The following NAALADL2 variants were observed in gnomAD, a reference collection of about 807,000 sequenced individuals.
The protein encoded by NAALADL2 is inactive N-acetylated-alpha-linked acidic dipeptidase-like protein 2.
In NAALADL2, 76 loss-of-function variants were observed where a neutral mutation model predicts 87.2. That is an observed-to-expected ratio of 0.87 (90% CI 0.72 to 1.05). NAALADL2 has a LOEUF of 1.05. Among genes scored for constraint, NAALADL2 ranks in the 50% least tolerant of loss-of-function variants. The pLI is 0.00. For synonymous variants in NAALADL2, 354 were observed against 331.0 expected, an observed-to-expected ratio of 1.07 and a Z score of -0.75; for missense variants, 1,089 against 945.8, an observed-to-expected ratio of 1.15 and a Z score of -1.99.
chr3:175,589,747 A>T (rs916512978), intron 10 of NAALADL2, among the ~76,000 whole-genome samples: 5 of 151,296 alleles, frequency 3.3e-5, no homozygotes, highest in African/African-American at 1.2e-4. Flanking sequence ...ATAAATTTCT[A>T]AGCATAAAAT....
rs955801874 is a variant in NAALADL2 at position 175,693,786 on chromosome 3, C to T, written c.1897-43520C>T. 6.6e-5 allele frequency among the ~76,000 whole-genome samples: 10 copies of T among 152,068 alleles called. No homozygotes were observed. The South Asian group carries it at 8.3e-4, about 13-fold the overall frequency. ...CAATCTCAGCTCACTGCAACCTCCC[C>T]GACCCGGGTTCAAGCGATTCTCCTG... On this transcript the variant is annotated intron_variant, in intron 11 of 13. Transcript: ENST00000454872.
chr3:175,528,875 C>T (rs552177864), intron 9 of NAALADL2, among the ~76,000 whole-genome samples: 37 of 152,186 alleles, frequency 2.4e-4, no homozygotes, highest in Non-Finnish European at 4.1e-4. Context: ...GGAGGAAATA[C>T]TCATGACAAT....
At chr3:175,794,305 T>G (rs75797554) in intron 13 of NAALADL2, among the ~76,000 whole-genome samples, 5,457 of 151,924 alleles carry the variant, frequency 0.036, 277 homozygotes, top group East Asian at 0.2. Context: ...TGAGTTTGAG[T>G]TCATACATAG....
intron 5 of NAALADL2, among the ~76,000 whole-genome samples, chr3:175,434,736 A>G (rs565348641): frequency 1.3e-5 from 2 of 152,162 alleles, no homozygotes; most frequent in South Asian, 4.1e-4. Context: ...AATCATTCCA[A>G]TGTTTATACC....
At chr3:174,995,225 C>T (rs1412791950) in intron 1 of NAALADL2, among the ~76,000 whole-genome samples, 1 of 151,846 alleles carries the variant, frequency 6.6e-6, no homozygotes, top group Non-Finnish European at 1.5e-5. Flanking sequence ...GTAATTTACA[C>T]AATGTAGACT....
intron 5 of NAALADL2, among the ~76,000 whole-genome samples, chr3:175,443,883 A>T (rs1455191951): frequency 2.6e-5 from 4 of 152,162 alleles, no homozygotes; most frequent in African/African-American, 9.6e-5. Flanking sequence ...TAGCACACAG[A>T]GCTGAGGTTG....
intron 2 of NAALADL2, among the ~76,000 whole-genome samples, chr3:175,120,328 C>T (rs946305630): frequency 2.6e-5 from 4 of 151,816 alleles, no homozygotes; most frequent in African/African-American, 9.6e-5. Context: ...GCATTAAAAA[C>T]ATAGAAATCT....
chr3:174,864,797 T>G (rs1349699676), intron 1 of NAALADL2, among the ~76,000 whole-genome samples: 1 of 152,106 alleles, frequency 6.6e-6, no homozygotes, highest in Admixed American at 6.6e-5. Context: ...TAAGCCAAAC[T>G]TCTTTGTATC....
chr3:174,923,180 G>GA (rs1190640775), intron 1 of NAALADL2, among the ~76,000 whole-genome samples: 2 of 152,048 alleles, frequency 1.3e-5, no homozygotes, highest in African/African-American at 4.8e-5. Context: ...GGGGCTTATG[G>GA]AAAAAACACA....
intron 3 of NAALADL2, among the ~76,000 whole-genome samples, chr3:174,761,384 G>C (rs1284098537): frequency 6.6e-6 from 1 of 152,016 alleles, no homozygotes; most frequent in Non-Finnish European, 1.5e-5. Context: ...AAAGTCTTAA[G>C]TGTAAAATAA....
At chr3:174,508,126 T>TG (rs1186328201) in intron 1 of NAALADL2, among the ~76,000 whole-genome samples, 1 of 145,950 alleles carries the variant, frequency 6.9e-6, no homozygotes, top group Non-Finnish European at 1.5e-5. Flanking sequence ...TTTTTTTTTT[T>TG]TTTTTGAGAC....
chr3:175,132,018 C>A (rs1423497700), intron 2 of NAALADL2, among the ~76,000 whole-genome samples: 1 of 131,384 alleles, frequency 7.6e-6, no homozygotes, highest in Non-Finnish European at 1.6e-5. Context: ...ACCTCCCTCC[C>A]GGACGGGGCG....
intron 3 of NAALADL2, among the ~76,000 whole-genome samples, chr3:174,777,748 C>A (rs1424907694): frequency 2.0e-5 from 3 of 152,092 alleles, no homozygotes; most frequent in Non-Finnish European, 4.4e-5. Context: ...CAATTCTGAA[C>A]TGGCTCTGTT....
chr3:174,719,802 T>A (rs1731534670), intron 2 of NAALADL2, among the ~76,000 whole-genome samples: 3 of 152,164 alleles, frequency 2.0e-5, no homozygotes, highest in Admixed American at 6.5e-5. Flanking sequence ...CTTATTTATT[T>A]ATTTATTTTT....
chr3:175,153,444 GT>G (rs1474733983), intron 2 of NAALADL2, among the ~76,000 whole-genome samples: 1 of 152,190 alleles, frequency 6.6e-6, no homozygotes, highest in Non-Finnish European at 1.5e-5. Context: ...CCTGTGCATG[GT>G]CTTAAAGGAT....
intron 2 of NAALADL2, among the ~76,000 whole-genome samples, chr3:174,654,887 C>T (rs537466261): frequency 3.5e-4 from 54 of 152,190 alleles, no homozygotes; most frequent in African/African-American, 1.3e-3. Flanking sequence ...AGGCGCCCAC[C>T]ACCATGCCCG....
At chr3:175,667,563 A>G (rs1326643463) in intron 11 of NAALADL2, among the ~76,000 whole-genome samples, 1 of 152,136 alleles carries the variant, frequency 6.6e-6, no homozygotes, top group Non-Finnish European at 1.5e-5. Context: ...GATGCTGGCC[A>G]AGAGAGAAGA....
At chr3:174,753,176 C>A (rs556258638) in intron 3 of NAALADL2, among the ~76,000 whole-genome samples, 1 of 152,060 alleles carries the variant, frequency 6.6e-6, no homozygotes, top group South Asian at 2.1e-4. Flanking sequence ...TCATCTCAAG[C>A]GATTCTCCTG....
In NAALADL2 at chr3:174,535,557, G is replaced by A. The variant is rs933730592; in HGVS notation, c.-183-15012G>A. 7.9e-5 allele frequency among the ~76,000 whole-genome samples: 12 copies of A among 152,192 alleles called. No homozygotes were observed. In the East Asian group the frequency reaches 1.4e-3, roughly 17 times the overall value. Reference sequence around the variant, plus strand: ...GACAATTTGCTATGAACCGGGAGCCGTACTAGGTGATTTATTCCTGCCCCA... The same window carrying A: ...GACAATTTGCTATGAACCGGGAGCCATACTAGGTGATTTATTCCTGCCCCA... On this transcript the variant is annotated intron_variant, in intron 1 of 3. Transcript: ENST00000434257.
Sources: gnomAD v4.1 joint callset for allele counts (sites outside exome capture counted in the v4.1 genomes callset) on GRCh38, gnomAD v4.1.1 for gene constraint, MANE v1.5 for transcripts, NCBI Gene and HGNC (gene_info 2026-07-23, HGNC 2026-07-21) for gene names.